Variants in RPGRIP1L observed in about 807,000 individuals in gnomAD.
RPGRIP1L encodes the protein RPGRIP1 like, also known as protein fantom.
Under a neutral mutation model 160.4 loss-of-function variants are expected in RPGRIP1L, and 131 were observed. The ratio of observed to expected loss-of-function variants is 0.82; its 90% CI spans 0.71 to 0.94. The LOEUF (loss-of-function observed/expected upper bound fraction) is 0.94, where lower values mean the gene tolerates loss of function less well. RPGRIP1L is among the 40% of genes least tolerant of loss of function. RPGRIP1L has a pLI of 0.00. For synonymous variants in RPGRIP1L, 510 were observed against 515.8 expected, an observed-to-expected ratio of 0.99 and a Z score of 0.15; for missense variants, 1,522 against 1,535.8, an observed-to-expected ratio of 0.99 and a Z score of 0.15.
intron 6 of RPGRIP1L, among the ~76,000 whole-genome samples, chr16:53,680,629 G>GT (rs1969533477): frequency 6.6e-6 from 1 of 152,182 alleles, no homozygotes; most frequent in Admixed American, 6.5e-5. Context: ...TATGGACTGT[G>GT]TATTAGATGC....
intron 12 of RPGRIP1L, 98 bp from the exon 13 acceptor site, chr16:53,657,730 T>C (rs1490565889): frequency 7.2e-6 from 5 of 696,038 alleles, no homozygotes; most frequent in Non-Finnish European, 9.5e-6. Flanking sequence ...CATTGATTGA[T>C]CAATTTTCAA....
intron 16 of RPGRIP1L, among the ~76,000 whole-genome samples, chr16:53,646,715 C>T (rs568286052): frequency 4.6e-5 from 7 of 152,268 alleles, no homozygotes; most frequent in African/African-American, 1.4e-4. Context: ...AAAGAAAATG[C>T]TAGTGTTTCT....
intron 9 of RPGRIP1L, 125 bp downstream of exon 9, chr16:53,671,385 C>T: frequency 3.0e-6 from 2 of 676,390 alleles, no homozygotes; most frequent in Non-Finnish European, 5.2e-6. Context: ...ATACAGTTTG[C>T]ATATTTCTTG....
At chr16:53,617,602 T>G (rs560764061) in intron 24 of RPGRIP1L, among the ~76,000 whole-genome samples, 2 of 152,288 alleles carry the variant, frequency 1.3e-5, no homozygotes, top group Admixed American at 1.3e-4. Flanking sequence ...GAATTTAAGC[T>G]GAAGTAGATC....
At chr16:53,648,932 C>G in intron 16 of RPGRIP1L, 32 bp downstream of exon 16, 1 of 1,592,344 alleles carries the variant, frequency 6.3e-7, no homozygotes. Flanking sequence ...ATTTCTATGT[C>G]ATAAAAGGGT....
intron 22 of RPGRIP1L, among the ~76,000 whole-genome samples, chr16:53,623,272 A>G (rs920743263): frequency 1.3e-5 from 2 of 152,220 alleles, no homozygotes; most frequent in Non-Finnish European, 2.9e-5. Flanking sequence ...GCGAACTGGT[A>G]GCCGATTGAT....
intron 19 of RPGRIP1L, among the ~76,000 whole-genome samples, chr16:53,638,962 A>C (rs1966024070): frequency 2.0e-5 from 3 of 151,818 alleles, no homozygotes; most frequent in African/African-American, 7.2e-5. Flanking sequence ...TGGGAACATT[A>C]ACTTTTATTT....
At chr16:53,650,033 T>C (rs1402744468) in intron 15 of RPGRIP1L, among the ~76,000 whole-genome samples, 2 of 152,234 alleles carry the variant, frequency 1.3e-5, no homozygotes, top group African/African-American at 4.8e-5. Context: ...TCCCTGCTAA[T>C]GGATCATTCT....
rs571932177 is a variant in RPGRIP1L at position 53,625,429 on chromosome 16, G to A, written c.3295-3073C>T. 6.8e-4 allele frequency among the ~76,000 whole-genome samples: 101 copies of A among 148,954 alleles called. 1 individual carries two copies. The highest frequency in any genetic ancestry group is 1.8e-3 in the African/African-American group (74 of 40,870). The stretch of plus-strand genomic sequence containing the variant: ...GCCTGGCGGCCGCCCCGTCTGGGGG[G>A]TGGGGTGGGGGGTGCCTCCACCCGG... On this transcript the variant is annotated intron_variant, in intron 22 of 26. Transcript: ENST00000647211.
At chr16:53,663,131 G>A (rs1378633651) in intron 10 of RPGRIP1L, among the ~76,000 whole-genome samples, 2 of 151,818 alleles carry the variant, frequency 1.3e-5, no homozygotes, top group African/African-American at 4.8e-5. Context: ...TTGTGGGATT[G>A]ATTTTTCTAA....
intron 15 of RPGRIP1L, 69 bp from the exon 16 acceptor site, chr16:53,649,184 A>G (rs1415429792): frequency 7.8e-6 from 10 of 1,283,118 alleles, no homozygotes; most frequent in Non-Finnish European, 1.1e-5. Flanking sequence ...GTAAAAATAC[A>G]TCAATGGCAT....
intron 16 of RPGRIP1L, among the ~76,000 whole-genome samples, chr16:53,648,658 A>ACACACACACACACAC (rs1555602383): frequency 6.6e-6 from 1 of 151,592 alleles, no homozygotes; most frequent in Non-Finnish European, 1.5e-5. Context: ...ACACACACAC[A>ACACACACACACACAC]AAAGTGCATG....
intron 6 of RPGRIP1L, among the ~76,000 whole-genome samples, chr16:53,686,213 G>C (rs901008360): frequency 1.3e-5 from 2 of 152,130 alleles, no homozygotes; most frequent in African/African-American, 4.8e-5. Context: ...TGATTTCCAC[G>C]CATCAGAAGC....
At chr16:53,674,596 C>T (rs1419274897) in intron 7 of RPGRIP1L, among the ~76,000 whole-genome samples, 2 of 152,058 alleles carry the variant, frequency 1.3e-5, no homozygotes, top group African/African-American at 4.8e-5. Flanking sequence ...TTTAACAGAA[C>T]ATGATTACTG....
At chr16:53,700,564 G>T in intron 2 of RPGRIP1L, 75 bp downstream of exon 2, 2 of 1,156,966 alleles carry the variant, frequency 1.7e-6, no homozygotes, top group Non-Finnish European at 2.6e-6. Flanking sequence ...GTTTGTATGA[G>T]TATAAGAAAT....
At chr16:53,622,406 G>A (rs946388744) in intron 22 of RPGRIP1L, 50 bp from the exon 23 acceptor site, 17 of 576,236 alleles carry the variant, frequency 3.0e-5, no homozygotes, top group African/African-American at 2.3e-4. Context: ...CACATTAAAT[G>A]CATAATAGAC....
chr16:53,606,008 C>G (rs944684485), intron 25 of RPGRIP1L, among the ~76,000 whole-genome samples: 1 of 152,256 alleles, frequency 6.6e-6, no homozygotes, highest in African/African-American at 2.4e-5. Context: ...TCCATAGAAA[C>G]GTAACATTTC....
chr16:53,673,196 T>C (rs2151247290), intron 7 of RPGRIP1L, among the ~76,000 whole-genome samples, 180 bp from the exon 8 acceptor site: 1 of 152,322 alleles, frequency 6.6e-6, no homozygotes, highest in East Asian at 1.9e-4. Context: ...TAGGAGACGC[T>C]CTGAACATGT....
intron 17 of RPGRIP1L, among the ~76,000 whole-genome samples, chr16:53,644,554 C>T (rs1347932892): frequency 6.6e-6 from 1 of 151,920 alleles, no homozygotes; most frequent in Non-Finnish European, 1.5e-5. Flanking sequence ...CTGTTGAAAG[C>T]CAAAACAAAT....
Sources: gnomAD v4.1 joint callset for allele counts (sites outside exome capture counted in the v4.1 genomes callset) on GRCh38, gnomAD v4.1.1 for gene constraint, MANE v1.5 for transcripts, NCBI Gene and HGNC (gene_info 2026-07-23, HGNC 2026-07-21) for gene names.